Variants in PCID2 observed in about 807,000 individuals in gnomAD.
PCID2 encodes the protein PCI domain containing 2, also known as PCI domain-containing protein 2.
In PCID2, 41 loss-of-function variants were observed where a neutral mutation model predicts 61.3. The observed-to-expected ratio is 0.67, with a 90% CI of 0.52 to 0.87. The LOEUF is 0.87. Among genes scored for constraint, PCID2 ranks in the 40% least tolerant of loss-of-function variants. PCID2 has a pLI of 0.00. For synonymous variants in PCID2, 187 were observed against 177.8 expected (o/e 1.05, Z -0.41); for missense variants, 392 against 493.4 (o/e 0.79, Z 1.95).
At chr13:113,177,351 G>C (rs2037218415), downstream of PCID2, among the ~76,000 whole-genome samples, 1 of 151,538 alleles carries the variant, frequency 6.6e-6, no homozygotes, top group African/African-American at 2.4e-5. Flanking sequence ...TGGTCAGGCT[G>C]GTCTCCAACT....
chr13:113,204,416 C>T (rs1464591802), intron 1 of PCID2, among the ~76,000 whole-genome samples: 1 of 152,206 alleles, frequency 6.6e-6, no homozygotes, highest in Non-Finnish European at 1.5e-5. Flanking sequence ...GGGATCAAAC[C>T]CTGGAGTACA....
At chr13:113,197,400 A>T (rs920749360) in intron 3 of PCID2, among the ~76,000 whole-genome samples, 157 bp from the exon 4 acceptor site, 1 of 152,232 alleles carries the variant, frequency 6.6e-6, no homozygotes, top group Non-Finnish European at 1.5e-5. Flanking sequence ...AGGTGAGGAT[A>T]AGAGGAAGTC....
At chr13:113,200,755 G>A (rs925722655) in intron 1 of PCID2, 65 of 330,500 alleles carry the variant, frequency 2.0e-4, no homozygotes, top group African/African-American at 4.6e-4. Flanking sequence ...GTCGGACTGC[G>A]GACTGCAGTG....
intron 7 of PCID2, chr13:113,190,576 A>C (rs1013636858): frequency 7.7e-6 from 2 of 258,130 alleles, no homozygotes; most frequent in African/African-American, 4.4e-5. Flanking sequence ...ACCAAACGCA[A>C]ATGTGGAAGA....
intron 6 of PCID2, among the ~76,000 whole-genome samples, chr13:113,191,465 C>T (rs192656084): frequency 1.7e-4 from 26 of 152,312 alleles, no homozygotes; most frequent in Non-Finnish European, 3.4e-4. Context: ...CCAATTCTTT[C>T]ACAAACCAAA....
chr13:113,203,117 T>C (rs1440968936), intron 1 of PCID2, among the ~76,000 whole-genome samples: 1 of 152,206 alleles, frequency 6.6e-6, no homozygotes, highest in African/African-American at 2.4e-5. Flanking sequence ...CAGTCGTCAG[T>C]GAGAAAGAGC....
chr13:113,191,400 G>T (rs991741719), intron 6 of PCID2, among the ~76,000 whole-genome samples: 5 of 152,108 alleles, frequency 3.3e-5, no homozygotes, highest in African/African-American at 1.2e-4. Flanking sequence ...AGATCCTGGA[G>T]AAATCAGCTA....
rs1200624259 is a variant in PCID2 at position 113,196,396 on chromosome 13, G to GT, written c.267-175dup. ...GTATAAGCTCACATTACAAATATCTGTATCTCATTAGGCTCAAGTATACTA... is the reference window on the plus strand; with the variant it reads ...GTATAAGCTCACATTACAAATATCTGTTATCTCATTAGGCTCAAGTATACTA... On this transcript the variant is annotated intron_variant, in intron 4 of 13. Coordinates refer to ENST00000337344, the MANE Select transcript of PCID2 (RefSeq NM_001127202.4). 7.9e-5 allele frequency among the ~76,000 whole-genome samples: 12 copies of GT among 152,284 alleles called. No individual in the cohort carries two copies. In the South Asian group the frequency reaches 2.5e-3, roughly 32 times the overall value.
intron 4 of PCID2, 69 bp from the exon 5 acceptor site, chr13:113,196,291 A>G (rs1566971240): frequency 1.6e-6 from 2 of 1,238,398 alleles, no homozygotes; most frequent in Non-Finnish European, 2.3e-6. Flanking sequence ...GTAAAGAATA[A>G]GAATCTAAAT....
At chr13:113,188,229 C>G (rs1466521038) in intron 7 of PCID2, 1 of 151,544 alleles carries the variant, frequency 6.6e-6, no homozygotes, top group Non-Finnish European at 1.5e-5. Context: ...GAAACGGCAC[C>G]CATGGGAGGC....
At chr13:113,194,428 C>A (rs1478429223) in intron 6 of PCID2, among the ~76,000 whole-genome samples, 1 of 152,174 alleles carries the variant, frequency 6.6e-6, no homozygotes, top group Non-Finnish European at 1.5e-5. Flanking sequence ...TGAGCCCCAT[C>A]CCCCTCTTCT....
intron 1 of PCID2, chr13:113,208,187 C>A: frequency 6.4e-7 from 1 of 1,568,692 alleles, no homozygotes; most frequent in Non-Finnish European, 8.6e-7. Flanking sequence ...CTCCTGGAGT[C>A]CCCGAATTCA....
the PCID2 span, chr13:113,171,710 C>A: frequency 6.2e-7 from 1 of 1,613,418 alleles, no homozygotes. The surrounding 1 kb of genome is among the most constrained non-coding windows in gnomAD (Gnocchi z 5.1). Context: ...GCTGGAGTGG[C>A]CCATCCAGTG....
chr13:113,195,592 G>A (rs1004835359), intron 5 of PCID2, among the ~76,000 whole-genome samples: 14 of 151,962 alleles, frequency 9.2e-5, no homozygotes, highest in Admixed American at 1.3e-4. Context: ...AAAGGGTGGC[G>A]GGAGGCAGAG....
the PCID2 span, chr13:113,172,254 C>T: frequency 3.6e-6 from 4 of 1,108,642 alleles, no homozygotes; most frequent in East Asian, 2.6e-5. Context: ...GCAGCAGAGC[C>T]GCCGTTTGCT....
the PCID2 span, chr13:113,171,864 T>G: frequency 6.2e-7 from 1 of 1,613,638 alleles, no homozygotes; most frequent in Non-Finnish European, 8.5e-7. This position sits in a 1 kb window ranked among gnomAD's most constrained non-coding sequence, Gnocchi z 5.1. Flanking sequence ...CCTGTCACAC[T>G]TGTGGAGGGG....
chr13:113,201,751 G>A (rs2039447896), intron 1 of PCID2, among the ~76,000 whole-genome samples: 1 of 147,078 alleles, frequency 6.8e-6, no homozygotes, highest in Non-Finnish European at 1.5e-5. Flanking sequence ...GGCGGAGCTT[G>A]CATGCAGTGA....
intron 1 of PCID2, 191 bp downstream of exon 1, chr13:113,208,408 G>A (rs995367415): frequency 7.1e-5 from 105 of 1,480,062 alleles, no homozygotes; most frequent in Middle Eastern, 2.4e-4. Flanking sequence ...GCCCTGCAGG[G>A]GAGAACTCGG....
At chr13:113,178,510 GA>G (rs933091455) in intron 13 of PCID2, 73 of 469,918 alleles carry the variant, frequency 1.6e-4, no homozygotes, top group Non-Finnish European at 1.8e-4. Flanking sequence ...AATATTTGGG[GA>G]AAAAAAATGC....
Sources: allele counts gnomAD v4.1 joint callset (sites outside exome capture counted in the v4.1 genomes callset), GRCh38; gene constraint gnomAD v4.1.1; non-coding constraint Gnocchi (gnomAD v3.1); transcripts MANE v1.5; gene names NCBI Gene and HGNC (gene_info 2026-07-23, HGNC 2026-07-21).